CHST1: variants seen among roughly 807,000 people sequenced by gnomAD.
CHST1 encodes carbohydrate sulfotransferase 1, also known as Keratan sulfotransferase.
CHST1 carries 10 observed loss-of-function variants against 22.5 expected under a neutral mutation model. The observed-to-expected ratio is 0.44, with a 90% CI of 0.27 to 0.75. The LOEUF (loss-of-function observed/expected upper bound fraction) is 0.75, where lower values mean the gene tolerates loss of function less well. Ranked by LOEUF, CHST1 falls within the 30% of genes least tolerant of loss-of-function variation. The probability of loss-of-function intolerance (pLI) is 0.15; values close to 1 mark genes in which losing one functional copy is unlikely to be tolerated. For missense variants in CHST1, 439 were observed against 576.1 expected, an observed-to-expected ratio of 0.76 and a Z score of 2.44; for synonymous variants, 267 against 264.5, an observed-to-expected ratio of 1.01 and a Z score of -0.09.
chr11:45,660,122 C>A (rs1486570963), intron 1 of CHST1, among the ~76,000 whole-genome samples: 1 of 152,238 alleles, frequency 6.6e-6, no homozygotes, highest in Non-Finnish European at 1.5e-5. Context: ...GGCGGCCTAG[C>A]ACCATGGTAT....
At chr11:45,660,711 A>G (rs1358848427) in intron 1 of CHST1, among the ~76,000 whole-genome samples, 1 of 152,212 alleles carries the variant, frequency 6.6e-6, no homozygotes, top group African/African-American at 2.4e-5. Flanking sequence ...TCCTTGAAGG[A>G]CAGCACCAGC....
rs2120312033 is a variant in CHST1, at chr11:45,649,333, A to G, written c.*355T>C. The G allele has an allele frequency of 3.6e-6, 1 of 277,378 alleles. No individual in the cohort carries two copies. The highest frequency in any genetic ancestry group is 6.8e-5 in the East Asian group (1 of 14,728). 17.2% of individuals were successfully genotyped at this position (277,378 alleles called of 1,614,324 possible). Reference sequence around the variant, plus strand: ...AAACTAGATACCCGACCACTCACCCATTCAAAAGCTTGAGAAGTCGCCTCG... The same window carrying G: ...AAACTAGATACCCGACCACTCACCCGTTCAAAAGCTTGAGAAGTCGCCTCG... On this transcript the variant is annotated 3_prime_UTR_variant, in exon 4 of 4. Coordinates refer to ENST00000308064, the MANE Select transcript of CHST1 (RefSeq NM_003654.6).
rs1564996563 is a variant in CHST1, at chr11:45,650,616, CG to C, written c.307del (p.Arg103AlafsTer15). Reference protein sequence around the residue: ...LYHVQNTLIPRFTQGKSPADR... With the variant: ...LYHVQNTLIPXFTQGKSPADR... ...GGCCGGGCTCTTGCCCTGGGTGAAG[CG>C]GGGGATGAGCGTGTTCTGGACGTGG... On this transcript the variant is annotated frameshift_variant, in exon 4 of 4. Transcript: ENST00000308064. LOFTEE classifies it high-confidence loss of function. 1 of 1,614,016 alleles carries C rather than the reference CG, an allele frequency of 6.2e-7. No individual in the cohort carries two copies. The highest frequency in any genetic ancestry group is 8.5e-7 in the Non-Finnish European group (1 of 1,179,970).
At chr11:45,660,458 T>A (rs1381058016) in intron 1 of CHST1, among the ~76,000 whole-genome samples, 1 of 152,196 alleles carries the variant, frequency 6.6e-6, no homozygotes, top group Non-Finnish European at 1.5e-5. Context: ...AGGAGCAGCA[T>A]AACAGCATAA....
rs139924697 is a variant in CHST1 at position 45,663,061 on chromosome 11, C to T, written c.-227+2117G>A. On this transcript the variant is annotated intron_variant, in intron 1 of 3. Transcript: ENST00000308064. Reference sequence around the variant, plus strand: ...GAAACCATACAGTGACTCAGGGCTTCGGGACCTTCTCTGAACCAGATTATG... The same window carrying T: ...GAAACCATACAGTGACTCAGGGCTTTGGGACCTTCTCTGAACCAGATTATG... Among the ~76,000 whole-genome samples the T allele has an allele frequency of 3.2e-3, 487 of 152,322 alleles. 2 individuals are homozygous for T. The highest frequency in any genetic ancestry group is 5.5e-3 in the Non-Finnish European group (375 of 68,030).
intron 1 of CHST1, among the ~76,000 whole-genome samples, chr11:45,654,242 G>A (rs1452814415): frequency 6.6e-6 from 1 of 152,210 alleles, no homozygotes; most frequent in Non-Finnish European, 1.5e-5. Context: ...GCCAGGACTG[G>A]AAGCTGCTGC....
rs781601582 is a variant in CHST1 at position 45,649,951 on chromosome 11, C to T, written c.973G>A (p.Asp325Asn). The T allele has an allele frequency of 1.2e-6, 2 of 1,613,024 alleles. No individual in the cohort carries two copies. Among genetic ancestry groups the T allele is most frequent in the Non-Finnish European group, 1.7e-6 (2 of 1,179,944 alleles). Residue 325 changes from aspartate to asparagine, a missense_variant, in exon 4 of 4, where the codon GAC becomes AAC. By Grantham distance (23) the Asp-to-Asn change is conservative (BLOSUM62 1). Coordinates refer to ENST00000308064, the MANE Select transcript of CHST1 (RefSeq NM_003654.6). Reference protein sequence around the residue: ...EIYGFLGIPLDSHVARWIQNN... With the variant: ...EIYGFLGIPLNSHVARWIQNN... ...TGGATCCAGCGGGCCACGTGGCTGT[C>T]CAGCGGGATGCCCAGGAACCCGTAG...
At position 45,648,500 on chromosome 11, in the gene CHST1, C is replaced by G. The variant is rs557380444; in HGVS notation, c.*1188G>C. Among the ~76,000 whole-genome samples the G allele has an allele frequency of 4.0e-5, 6 of 149,278 alleles. No homozygotes were observed. The highest frequency in any genetic ancestry group is 8.9e-5 in the Non-Finnish European group (6 of 67,626). ...GAGTTCGCGACCAGCCTGGACAACACGGTGAAACCCCGTCTCTACTAAAAT... is the reference window on the plus strand; with the variant it reads ...GAGTTCGCGACCAGCCTGGACAACAGGGTGAAACCCCGTCTCTACTAAAAT... On this transcript the variant is annotated 3_prime_UTR_variant, in exon 4 of 4. Transcript: ENST00000308064.
At position 45,650,821 on chromosome 11, in the gene CHST1, G is replaced by A. The variant is rs1168411724; in HGVS notation, c.103C>T (p.Pro35Ser). 6.2e-7 allele frequency: 1 copy of A among 1,610,718 alleles called. No homozygotes were observed. Among genetic ancestry groups the A allele is most frequent in the South Asian group, 1.1e-5 (1 of 90,530 alleles). ...TFTAKSFHTCPGLAEAGLAER... is the reference protein window; with the variant it reads ...TFTAKSFHTCSGLAEAGLAER... The stretch of plus-strand genomic sequence containing the variant: ...GCCAGCCCGGCCTCTGCCAGCCCGG[G>A]GCAGGTGTGAAAGGACTTGGCGGTG... The change falls in exon 4 of 4, where the codon CCC becomes TCC. Residue 35 changes from proline to serine, a missense_variant. Coordinates refer to ENST00000308064, the MANE Select transcript of CHST1 (RefSeq NM_003654.6).
intron 2 of CHST1, 116 bp from the exon 3 acceptor site, chr11:45,652,206 A>G (rs1852007378): frequency 6.6e-6 from 1 of 152,584 alleles, no homozygotes; most frequent in Admixed American, 6.5e-5. Flanking sequence ...GGGCCAGGCA[A>G]TAAGGGCTCT....
chr11:45,662,704 C>T (rs895734), intron 1 of CHST1, among the ~76,000 whole-genome samples: 74,617 of 152,072 alleles, frequency 0.49, 20,379 homozygotes, highest in East Asian at 0.83. Flanking sequence ...GCTATCAGGT[C>T]GGTGTTATTT....
Position 45,649,391 on chromosome 11 carries a change from T to C in CHST1, c.*297A>G. The C allele has an allele frequency of 2.4e-6, 1 of 422,524 alleles. No homozygotes were observed. Among genetic ancestry groups the C allele is most frequent in the East Asian group, 3.7e-5 (1 of 27,278 alleles). 26.2% of individuals were successfully genotyped at this position (422,524 alleles called of 1,614,324 possible). On this transcript the variant is annotated 3_prime_UTR_variant, in exon 4 of 4. Transcript: ENST00000308064. ...CCGTGTGCGTGTGTGGATGTGTAAA[T>C]GTGGTGCTTGTAAACATTGTCACCG...
rs761867771 is a variant in CHST1, at chr11:45,650,504, C to G, written c.420G>C (p.Lys140Asn). 6.2e-7 allele frequency: 1 copy of G among 1,613,790 alleles called. No individual in the cohort carries two copies. The highest frequency in any genetic ancestry group is 8.5e-7 in the Non-Finnish European group (1 of 1,179,966). The change falls in exon 4 of 4, where the codon AAG becomes AAC. Residue 140 changes from lysine to asparagine, a missense_variant. Physicochemically the swap from Lys to Asn is moderately conservative, Grantham distance 94. Transcript: ENST00000308064. ...CGGTGGTGTGGTTGACCGGCGGCGG[C>G]TTGATGTAGTTCTCCAGGAAGTAGA... ...CDLYFLENYIKPPPVNHTTDR... is the reference protein window; with the variant it reads ...CDLYFLENYINPPPVNHTTDR...
chr11:45,651,482 T>C (rs1851998829), intron 3 of CHST1: 1 of 152,716 alleles, frequency 6.5e-6, no homozygotes, highest in Admixed American at 6.5e-5. Flanking sequence ...CTGCAGACCA[T>C]GGTCGGTGAG....
At chr11:45,660,703 C>T (rs1852120626) in intron 1 of CHST1, among the ~76,000 whole-genome samples, 1 of 152,206 alleles carries the variant, frequency 6.6e-6, no homozygotes, top group South Asian at 2.1e-4. Context: ...CTGCAGAATC[C>T]TTGAAGGACA....
At chr11:45,662,083 C>G (rs1852140354) in intron 1 of CHST1, among the ~76,000 whole-genome samples, 1 of 152,180 alleles carries the variant, frequency 6.6e-6, no homozygotes, top group African/African-American at 2.4e-5. Flanking sequence ...GATCTGTTAC[C>G]TTTCTGAAGA....
At chr11:45,657,541 C>A (rs1852076976) in intron 1 of CHST1, among the ~76,000 whole-genome samples, 1 of 152,264 alleles carries the variant, frequency 6.6e-6, no homozygotes, top group Non-Finnish European at 1.5e-5. Flanking sequence ...GGAGCTCTTA[C>A]AGAGCTCTGT....
intron 2 of CHST1, 122 bp from the exon 3 acceptor site, chr11:45,652,212 G>A (rs1047023383): frequency 6.6e-6 from 1 of 152,616 alleles, no homozygotes; most frequent in Non-Finnish European, 1.5e-5. Context: ...GGCAATAAGG[G>A]CTCTGCCTGC....
Position 45,649,296 on chromosome 11 carries a change from AAGAC to A in CHST1, c.*388_*391del, listed in dbSNP as rs972160217. On this transcript the variant is annotated 3_prime_UTR_variant, in exon 4 of 4. Transcript: ENST00000308064. ...TTTGTATCCTCTTACCTTGAATAGT[AAGAC>A]AGTGCAAAAACTAGATACCCGACCA... is the stretch of plus-strand genomic sequence containing the variant. The A allele has an allele frequency of 1.8e-4, 38 of 205,924 alleles. No homozygotes were observed. Among genetic ancestry groups the A allele is most frequent in the African/African-American group, 8.8e-4 (38 of 43,346 alleles). 12.8% of individuals were successfully genotyped at this position (205,924 alleles called of 1,614,324 possible). A position where few individuals can be genotyped will look rare whatever the true frequency, so the allele number is the denominator to read the frequency against.
Sources: gnomAD v4.1 joint callset for allele counts (sites outside exome capture counted in the v4.1 genomes callset) on GRCh38, gnomAD v4.1.1 for gene constraint, MANE v1.5 for transcripts, NCBI Gene and HGNC (gene_info 2026-07-23, HGNC 2026-07-21) for gene names.